TMEM107: variants seen among roughly 807,000 people sequenced by gnomAD.
TMEM107 encodes transmembrane protein 107.
Under a neutral mutation model 16.8 loss-of-function variants are expected in TMEM107, and 18 were observed. The ratio of observed to expected loss-of-function variants is 1.07; its 90% CI spans 0.74 to 1.59. The LOEUF is 1.59. Ranked by LOEUF, TMEM107 falls within the 40% of genes most tolerant of loss-of-function variation. TMEM107 has a pLI of 0.00. For synonymous variants in TMEM107, 68 were observed against 71.6 expected (o/e 0.95, Z 0.25); for missense variants, 152 against 175.4 (o/e 0.87, Z 0.75).
rs750367625 is a variant in TMEM107, at chr17:8,173,501, C to T, written c.*702G>A. On this transcript the variant is annotated 3_prime_UTR_variant, in exon 5 of 5. Transcript: ENST00000437139. ...GTTGCAAGTCCTGATTACGCAGAGACGTTAATCACGTTTCATGCATCTCCA... is the reference window on the plus strand; with the variant it reads ...GTTGCAAGTCCTGATTACGCAGAGATGTTAATCACGTTTCATGCATCTCCA... 2.4e-5 allele frequency: 18 copies of T among 765,224 alleles called. No homozygotes were observed. The highest frequency in any genetic ancestry group is 1.0e-4 in the Admixed American group (6 of 59,022). 47.4% of individuals were successfully genotyped at this position (765,224 alleles called of 1,614,324 possible).
In TMEM107 at chr17:8,173,225, A is replaced by T. The variant is rs192767653; in HGVS notation, c.*978T>A. ...GATTAAAGTTATCAAACGACAAAAAACAAAGAGCCCATTTGTATTATTTCA... is the reference window on the plus strand; with the variant it reads ...GATTAAAGTTATCAAACGACAAAAATCAAAGAGCCCATTTGTATTATTTCA... On this transcript the variant is annotated 3_prime_UTR_variant, in exon 5 of 5. Coordinates refer to ENST00000437139, the MANE Select transcript of TMEM107 (RefSeq NM_183065.4). 6 of 450,758 alleles carry T rather than the reference A, an allele frequency of 1.3e-5. No individual in the cohort carries two copies. The highest frequency in any genetic ancestry group is 3.7e-5 in the East Asian group (1 of 26,914). The allele number at this position is 450,758 out of a possible 1,614,324, so 27.9% of individuals were successfully genotyped here. A position where few individuals can be genotyped will look rare whatever the true frequency, so the allele number is the denominator to read the frequency against.
chr17:8,174,879 G>A (rs1984000151), intron 3 of TMEM107: 1 of 466,444 alleles, frequency 2.1e-6, no homozygotes, highest in South Asian at 2.6e-5. Flanking sequence ...TGAGAGGTAA[G>A]AGTAGGCTCT....
At chr17:8,176,175 G>A in intron 1 of TMEM107, 25 bp downstream of exon 1, 1 of 1,609,920 alleles carries the variant, frequency 6.2e-7, no homozygotes, top group Non-Finnish European at 8.5e-7. Context: ...AATGGGGACG[G>A]ATTGAGTGCA....
Position 8,173,172 on chromosome 17 carries a change from T to C in TMEM107, c.*1031A>G. On this transcript the variant is annotated 3_prime_UTR_variant, in exon 5 of 5. Coordinates refer to ENST00000437139, the MANE Select transcript of TMEM107 (RefSeq NM_183065.4). ...TGTGCACAAGACTGCAGATATTTAC[T>C]GATGTGCAATGTTTCCTGAGAAGTG... The C allele has an allele frequency of 8.5e-6, 3 of 354,184 alleles. No homozygotes were observed. The highest frequency in any genetic ancestry group is 3.1e-5 in the South Asian group (1 of 32,560). The allele number at this position is 354,184 out of a possible 1,614,324, so 21.9% of individuals were successfully genotyped here.
chr17:8,173,089 T>C lies in TMEM107; in HGVS notation c.*1114A>G, dbSNP rs1470176450. ...CTGCCTTGGCGACAGACCAAGACCC[T>C]ACCTCAAGGAAAAAGAAATACAGTT... On this transcript the variant is annotated 3_prime_UTR_variant, in exon 5 of 5. Coordinates refer to ENST00000437139, the MANE Select transcript of TMEM107 (RefSeq NM_183065.4). 4.9e-6 allele frequency: 1 copy of C among 202,676 alleles called. No individual in the cohort carries two copies. The highest frequency in any genetic ancestry group is 2.4e-5 in the African/African-American group (1 of 42,482). The allele number at this position is 202,676 out of a possible 1,614,324, so 12.6% of individuals were successfully genotyped here.
chr17:8,173,234 C>T lies in TMEM107; in HGVS notation c.*969G>A. On this transcript the variant is annotated 3_prime_UTR_variant, in exon 5 of 5. Transcript: ENST00000437139. Reference sequence around the variant, plus strand: ...TATCAAACGACAAAAAACAAAGAGCCCATTTGTATTATTTCACTGCCTAAA... The same window carrying T: ...TATCAAACGACAAAAAACAAAGAGCTCATTTGTATTATTTCACTGCCTAAA... The T allele has an allele frequency of 4.3e-6, 2 of 467,092 alleles. No homozygotes were observed. Among genetic ancestry groups the T allele is most frequent in the Non-Finnish European group, 7.7e-6 (2 of 259,612 alleles). 28.9% of individuals were successfully genotyped at this position (467,092 alleles called of 1,614,324 possible).
Position 8,173,533 on chromosome 17 carries a change from A to AG in TMEM107, c.*669_*670insC. The AG allele has an allele frequency of 1.3e-6, 1 of 765,410 alleles. No homozygotes were observed. The allele number at this position is 765,410 out of a possible 1,614,324, so 47.4% of individuals were successfully genotyped here. A position where few individuals can be genotyped will look rare whatever the true frequency, so the allele number is the denominator to read the frequency against. ...CACGTTTCATGCATCTCCAATCATC[A>AG]TGTTCTAATCTGCCCTCCGGAGGAG... On this transcript the variant is annotated 3_prime_UTR_variant, in exon 5 of 5. Coordinates refer to ENST00000437139, the MANE Select transcript of TMEM107 (RefSeq NM_183065.4).
rs1473266727 is a variant in TMEM107 at position 8,173,659 on chromosome 17, C to T, written c.*544G>A. 1.4e-6 allele frequency: 1 copy of T among 715,826 alleles called. No homozygotes were observed. The highest frequency in any genetic ancestry group is 2.6e-6 in the Non-Finnish European group (1 of 387,640). The allele number at this position is 715,826 out of a possible 1,614,324, so 44.3% of individuals were successfully genotyped here. On this transcript the variant is annotated 3_prime_UTR_variant, in exon 5 of 5. Transcript: ENST00000437139. ...TACAAGCTAGGGTGAGTTCATAACGCGCTGGTATGAGCAATCCTATTATTT... is the reference window on the plus strand; with the variant it reads ...TACAAGCTAGGGTGAGTTCATAACGTGCTGGTATGAGCAATCCTATTATTT...
At position 8,173,419 on chromosome 17, in the gene TMEM107, C is replaced by T. The variant is rs374748502; in HGVS notation, c.*784G>A. ...GCTATGTTTGTGGATATCTGCTAAT[C>T]AGCATAACACAAATGTAAGTGATCG... On this transcript the variant is annotated 3_prime_UTR_variant, in exon 5 of 5. Coordinates refer to ENST00000437139, the MANE Select transcript of TMEM107 (RefSeq NM_183065.4). 3.9e-5 allele frequency: 29 copies of T among 746,506 alleles called. No homozygotes were observed. The highest frequency in any genetic ancestry group is 1.7e-4 in the South Asian group (12 of 72,692). The allele number at this position is 746,506 out of a possible 1,614,324, so 46.2% of individuals were successfully genotyped here. A position where few individuals can be genotyped will look rare whatever the true frequency, so the allele number is the denominator to read the frequency against.
At position 8,173,487 on chromosome 17, in the gene TMEM107, T is replaced by A. The variant is rs199918636; in HGVS notation, c.*716A>T. On this transcript the variant is annotated 3_prime_UTR_variant, in exon 5 of 5. Transcript: ENST00000437139. Reference sequence around the variant, plus strand: ...GGAGCAATCAGGGTGTTGCAAGTCCTGATTACGCAGAGACGTTAATCACGT... The same window carrying A: ...GGAGCAATCAGGGTGTTGCAAGTCCAGATTACGCAGAGACGTTAATCACGT... 1.3e-6 allele frequency: 1 copy of A among 765,096 alleles called. No homozygotes were observed. Among genetic ancestry groups the A allele is most frequent in the Non-Finnish European group, 2.4e-6 (1 of 418,008 alleles). The allele number at this position is 765,096 out of a possible 1,614,324, so 47.4% of individuals were successfully genotyped here. A position where few individuals can be genotyped will look rare whatever the true frequency, so the allele number is the denominator to read the frequency against.
Position 8,176,216 on chromosome 17 carries a change from G to A in TMEM107, c.71C>T (p.Thr24Ile). The change falls in exon 1 of 5, where the codon ACC becomes ATC. Residue 24 changes from threonine (T) to isoleucine (I), a missense_variant. By Grantham distance (89) the Thr-to-Ile change is moderately conservative. Coordinates refer to ENST00000437139, the MANE Select transcript of TMEM107 (RefSeq NM_183065.4). ...GGGTCTTACCCGGGACCAGAATAAGGTGATGACGACCACCAGATGCGCCAG... is the reference window on the plus strand; with the variant it reads ...GGGTCTTACCCGGGACCAGAATAAGATGATGACGACCACCAGATGCGCCAG... ...TLLAHLVVVITLFWSRDSNIQ... is the reference protein window; with the variant it reads ...TLLAHLVVVIILFWSRDSNIQ... 1.2e-6 allele frequency: 2 copies of A among 1,614,146 alleles called. No homozygotes were observed. Among genetic ancestry groups the A allele is most frequent in the Non-Finnish European group, 1.7e-6 (2 of 1,179,992 alleles).
chr17:8,175,332 G>A (rs1248616086), intron 3 of TMEM107: 4 of 306,514 alleles, frequency 1.3e-5, no homozygotes, highest in South Asian at 9.7e-5. Flanking sequence ...CTCCCAAAGT[G>A]CTGGGATTAC....
Position 8,173,461 on chromosome 17 carries a change from A to G in TMEM107, c.*742T>C, listed in dbSNP as rs569413803. On this transcript the variant is annotated 3_prime_UTR_variant, in exon 5 of 5. Coordinates refer to ENST00000437139, the MANE Select transcript of TMEM107 (RefSeq NM_183065.4). The stretch of plus-strand genomic sequence containing the variant: ...AAGTGATCGTCAGAAAGAATCAGAC[A>G]GGAGCAATCAGGGTGTTGCAAGTCC... The G allele has an allele frequency of 3.5e-5, 27 of 764,052 alleles. No homozygotes were observed. The highest frequency in any genetic ancestry group is 7.3e-5 in the East Asian group (3 of 41,244). 47.3% of individuals were successfully genotyped at this position (764,052 alleles called of 1,614,324 possible). A position where few individuals can be genotyped will look rare whatever the true frequency, so the allele number is the denominator to read the frequency against.
In TMEM107 at chr17:8,173,380, G is replaced by A. The variant is rs751884563; in HGVS notation, c.*823C>T. On this transcript the variant is annotated 3_prime_UTR_variant, in exon 5 of 5. Transcript: ENST00000437139. ...ATAGACAAACAGCAAGGTTATCCCA[G>A]TCAGAACTTCATAGCTATGTTTGTG... 2.3e-4 allele frequency: 157 copies of A among 682,624 alleles called. No homozygotes were observed. The highest frequency in any genetic ancestry group is 1.3e-3 in the South Asian group (79 of 62,876). 42.3% of individuals were successfully genotyped at this position (682,624 alleles called of 1,614,324 possible).
In TMEM107 at chr17:8,174,218, T is replaced by C. The variant is rs747389051; in HGVS notation, c.408A>G (p.Lys136=). 3.1e-6 allele frequency: 5 copies of C among 1,614,082 alleles called. No individual in the cohort carries two copies. In the African/African-American group the frequency reaches 5.3e-5, roughly 17 times the overall value. ...ATGAAGGTAATCAGAAGGGTTTCTT[T>C]TTCAGCCCAAAGACGGTGACGAATA... ...MALFVTVFGL[K]KKPF is the part of the protein sequence containing the mutation. The change falls in exon 5 of 5, where the codon AAA becomes AAG. Residue 136 remains lysine (K), a synonymous_variant. Transcript: ENST00000437139.
Position 8,173,936 on chromosome 17 carries a change from T to C in TMEM107, c.*267A>G, listed in dbSNP as rs1409581658. 4.6e-6 allele frequency: 2 copies of C among 433,342 alleles called. No individual in the cohort carries two copies. Among genetic ancestry groups the C allele is most frequent in the South Asian group, 3.0e-5 (1 of 32,964 alleles). The allele number at this position is 433,342 out of a possible 1,614,324, so 26.8% of individuals were successfully genotyped here. A position where few individuals can be genotyped will look rare whatever the true frequency, so the allele number is the denominator to read the frequency against. The stretch of plus-strand genomic sequence containing the variant: ...TCTGCAGGACTAGAAAACAGCGTTG[T>C]TTTTTTTTTATTCAGTAGTTCAGCC... On this transcript the variant is annotated 3_prime_UTR_variant, in exon 5 of 5. Transcript: ENST00000437139.
rs548320947 is a variant in TMEM107 at position 8,173,376 on chromosome 17, C to T, written c.*827G>A. Reference sequence around the variant, plus strand: ...CAAAATAGACAAACAGCAAGGTTATCCCAGTCAGAACTTCATAGCTATGTT... The same window carrying T: ...CAAAATAGACAAACAGCAAGGTTATTCCAGTCAGAACTTCATAGCTATGTT... On this transcript the variant is annotated 3_prime_UTR_variant, in exon 5 of 5. Transcript: ENST00000437139. 1.0e-4 allele frequency: 70 copies of T among 669,702 alleles called. No individual in the cohort carries two copies. Among genetic ancestry groups the T allele is most frequent in the East Asian group, 4.7e-4 (18 of 38,012 alleles). 41.5% of individuals were successfully genotyped at this position (669,702 alleles called of 1,614,324 possible).
At position 8,176,369 on chromosome 17, in the gene TMEM107, A is replaced by G; in HGVS notation, c.-83T>C. ...CTGAAGTCTCCCCGCAAGCCGACAAATCTAGACGAACGCCTCCTTCCCGCC... is the reference window on the plus strand; with the variant it reads ...CTGAAGTCTCCCCGCAAGCCGACAAGTCTAGACGAACGCCTCCTTCCCGCC... On this transcript the variant is annotated 5_prime_UTR_variant, in exon 1 of 5. Coordinates refer to ENST00000437139, the MANE Select transcript of TMEM107 (RefSeq NM_183065.4). 2 of 1,147,008 alleles carry G rather than the reference A, an allele frequency of 1.7e-6. No homozygotes were observed. Among genetic ancestry groups the G allele is most frequent in the Non-Finnish European group, 2.5e-6 (2 of 802,178 alleles). 71.1% of individuals were successfully genotyped at this position (1,147,008 alleles called of 1,614,324 possible).
Position 8,173,154 on chromosome 17 carries a change from AAGACTGC to A in TMEM107, c.*1042_*1048del, listed in dbSNP as rs1482647817. 7.0e-5 allele frequency: 22 copies of A among 313,844 alleles called. No homozygotes were observed. Among genetic ancestry groups the A allele is most frequent in the Admixed American group, 1.4e-4 (3 of 21,156 alleles). The allele number at this position is 313,844 out of a possible 1,614,324, so 19.4% of individuals were successfully genotyped here. On this transcript the variant is annotated 3_prime_UTR_variant, in exon 5 of 5. Transcript: ENST00000437139. ...TCCTGAGGGCAACCACCATGTGCACAAGACTGCAGATATTTACTGATGTGCAATGTTT... is the reference window on the plus strand; with the variant it reads ...TCCTGAGGGCAACCACCATGTGCACAAGATATTTACTGATGTGCAATGTTT...
Sources: gnomAD v4.1 joint callset for allele counts on GRCh38, gnomAD v4.1.1 for gene constraint, MANE v1.5 for transcripts, NCBI Gene and HGNC (gene_info 2026-07-23, HGNC 2026-07-21) for gene names.